Variants in ID1 observed in about 807,000 individuals in gnomAD.
The protein encoded by ID1 is inhibitor of DNA binding 1.
Under a neutral mutation model 11.3 loss-of-function variants are expected in ID1, and 8 were observed. The ratio of observed to expected loss-of-function variants is 0.71; its 90% CI spans 0.42 to 1.28. The LOEUF (loss-of-function observed/expected upper bound fraction) is 1.28. Ranked by LOEUF, ID1 falls within the 50% of genes most tolerant of loss-of-function variation. The pLI, the probability that ID1 is intolerant of heterozygous loss-of-function variation, is 0.01. For missense variants in ID1, 347 were observed against 219.8 expected (o/e 1.58, Z -3.66); for synonymous variants, 176 against 100.2 (o/e 1.76, Z -4.52).
In ID1 at chr20:31,605,301, T is replaced by G; in HGVS notation, c.-87T>G. On this transcript the variant is annotated 5_prime_UTR_variant, in exon 1 of 2. Coordinates refer to ENST00000376112, the MANE Select transcript of ID1 (RefSeq NM_002165.4). Reference sequence around the variant, plus strand: ...GCTCCGCACTCTCATTCCACGTTCTTAACTGTTCCATTTTCCGTATCTGCT... The same window carrying G: ...GCTCCGCACTCTCATTCCACGTTCTGAACTGTTCCATTTTCCGTATCTGCT... 1 of 1,278,878 alleles carries G rather than the reference T, an allele frequency of 7.8e-7. No individual in the cohort carries two copies. Among genetic ancestry groups the G allele is most frequent in the South Asian group, 1.3e-5 (1 of 75,500 alleles). 79.2% of individuals were successfully genotyped at this position (1,278,878 alleles called of 1,614,324 possible).
rs752824585 is a variant in ID1 at position 31,605,338 on chromosome 20, C to A, written c.-50C>A. ...TTTCCGTATCTGCTTCGGGCTTCCA[C>A]CTCATTTTTTTCGCTTTGCCCATTC... On this transcript the variant is annotated 5_prime_UTR_variant, in exon 1 of 2. Transcript: ENST00000376112. 9.2e-6 allele frequency: 14 copies of A among 1,528,774 alleles called. No homozygotes were observed. The highest frequency in any genetic ancestry group is 1.2e-5 in the Non-Finnish European group (14 of 1,133,228). The allele number at this position is 1,528,774 out of a possible 1,614,324, so 94.7% of individuals were successfully genotyped here.
Position 31,605,758 on chromosome 20 carries a change from C to G in ID1, c.371C>G (p.Pro124Arg), listed in dbSNP as rs748768041. ...GGAACCCCCGGGGGCCGAGGGCTGC[C>G]GGTCCGGGCTCCGCTCAGCACCCTC... ...EVGTPGGRGLPVRAPLSTLNG... is the reference protein window; with the variant it reads ...EVGTPGGRGLRVRAPLSTLNG... The change falls in exon 1 of 2, where the codon CCG (proline) becomes CGG (arginine). Residue 124 changes from proline to arginine, a missense_variant. By Grantham distance (103) the Pro-to-Arg change is moderately radical. Coordinates refer to ENST00000376112, the MANE Select transcript of ID1 (RefSeq NM_002165.4). The G allele has an allele frequency of 1.9e-6, 3 of 1,610,200 alleles. No individual in the cohort carries two copies. In the South Asian group the frequency reaches 3.3e-5, roughly 18 times the overall value.
rs1018631107 is a variant in ID1, at chr20:31,605,420, C to G, written c.33C>G (p.Ala11=). 1 of 1,605,512 alleles carries G rather than the reference C, an allele frequency of 6.2e-7. No homozygotes were observed. The highest frequency in any genetic ancestry group is 8.5e-7 in the Non-Finnish European group (1 of 1,178,034). Residue 11 remains alanine, a synonymous_variant, in exon 1 of 2, where the codon GCC becomes GCG. Coordinates refer to ENST00000376112, the MANE Select transcript of ID1 (RefSeq NM_002165.4). MKVASGSTAT[A]AAGPSCALKA... ...TCGCCAGTGGCAGCACCGCCACCGC[C>G]GCCGCGGGCCCCAGCTGCGCGCTGA... is the stretch of plus-strand genomic sequence containing the variant.
chr20:31,606,102 C>T lies in ID1; in HGVS notation c.*8C>T, dbSNP rs1394842806. 4 of 1,607,432 alleles carry T rather than the reference C, an allele frequency of 2.5e-6. No homozygotes were observed. The highest frequency in any genetic ancestry group is 3.4e-6 in the Non-Finnish European group (4 of 1,179,252). ...CGCATCTTGTGTCGCTGAAGCGCCT[C>T]CCCCAGGGACCGGCGGACCCCAGCC... On this transcript the variant is annotated 3_prime_UTR_variant, in exon 2 of 2. Transcript: ENST00000376112.
Position 31,606,096 on chromosome 20 carries a change from G to C in ID1, c.*2G>C. On this transcript the variant is annotated 3_prime_UTR_variant, in exon 2 of 2. Transcript: ENST00000376112. ...GACGATCGCATCTTGTGTCGCTGAAGCGCCTCCCCCAGGGACCGGCGGACC... is the reference window on the plus strand; with the variant it reads ...GACGATCGCATCTTGTGTCGCTGAACCGCCTCCCCCAGGGACCGGCGGACC... The C allele has an allele frequency of 6.2e-7, 1 of 1,608,670 alleles. No homozygotes were observed. The highest frequency in any genetic ancestry group is 8.5e-7 in the Non-Finnish European group (1 of 1,179,954).
At chr20:31,605,962 C>T (rs1326230729) in intron 1 of ID1, 91 bp from the exon 2 acceptor site, 2 of 1,605,180 alleles carry the variant, frequency 1.2e-6, no homozygotes, top group Non-Finnish European at 1.7e-6. Flanking sequence ...AAAGCGCTCC[C>T]CCGTCGTGCT....
At position 31,605,432 on chromosome 20, in the gene ID1, C is replaced by G; in HGVS notation, c.45C>G (p.Pro15=). The G allele has an allele frequency of 6.2e-7, 1 of 1,608,502 alleles. No individual in the cohort carries two copies. The highest frequency in any genetic ancestry group is 8.5e-7 in the Non-Finnish European group (1 of 1,178,520). The change falls in exon 1 of 2, where the codon CCC becomes CCG. Residue 15 remains proline (P), a synonymous_variant. Coordinates refer to ENST00000376112, the MANE Select transcript of ID1 (RefSeq NM_002165.4). ...GCACCGCCACCGCCGCCGCGGGCCC[C>G]AGCTGCGCGCTGAAGGCCGGCAAGA... is the stretch of plus-strand genomic sequence containing the variant. ...SGSTATAAAG[P]SCALKAGKTA... is the part of the protein sequence containing the mutation.
chr20:31,605,379 C>A lies in ID1; in HGVS notation c.-9C>A. 1.9e-6 allele frequency: 3 copies of A among 1,595,874 alleles called. No homozygotes were observed. The highest frequency in any genetic ancestry group is 2.5e-6 in the Non-Finnish European group (3 of 1,176,796). On this transcript the variant is annotated 5_prime_UTR_variant, in exon 1 of 2. Transcript: ENST00000376112. ...TTGCCCATTCTGTTTCAGCCAGTCGCCAAGAATCATGAAAGTCGCCAGTGG... is the reference window on the plus strand; with the variant it reads ...TTGCCCATTCTGTTTCAGCCAGTCGACAAGAATCATGAAAGTCGCCAGTGG...
At chr20:31,605,947 T>G (rs1986090953) in intron 1 of ID1, 106 bp from the exon 2 acceptor site, 2 of 1,597,136 alleles carry the variant, frequency 1.3e-6, no homozygotes, top group East Asian at 4.5e-5. Flanking sequence ...CTAAGGAGCC[T>G]GGAAAAAGCG....
rs896261355 is a variant in ID1, at chr20:31,606,043, G to C, written c.427-10G>C. 9.3e-6 allele frequency: 15 copies of C among 1,612,172 alleles called. No individual in the cohort carries two copies. The highest frequency in any genetic ancestry group is 1.3e-5 in the Non-Finnish European group (15 of 1,180,020). Reference sequence around the variant, plus strand: ...CAACCCGCCGGTCTCATTTCTTCTCGTTTTCACAGGCGGCATGCGTTCCTG... The same window carrying C: ...CAACCCGCCGGTCTCATTTCTTCTCCTTTTCACAGGCGGCATGCGTTCCTG... On this transcript the variant is annotated splice_polypyrimidine_tract_variant and intron_variant, in intron 1 of 1. Coordinates refer to ENST00000376112, the MANE Select transcript of ID1 (RefSeq NM_002165.4).
chr20:31,606,299 G>C lies in ID1; in HGVS notation c.*205G>C. The C allele has an allele frequency of 1.7e-6, 1 of 601,642 alleles. No individual in the cohort carries two copies. The highest frequency in any genetic ancestry group is 2.1e-5 in the South Asian group (1 of 47,784). 37.3% of individuals were successfully genotyped at this position (601,642 alleles called of 1,614,324 possible). ...GGCGCTCCTCTCTGCACACCTACTAGTCACCAGAGACTTTAGGGGGTGGGA... is the reference window on the plus strand; with the variant it reads ...GGCGCTCCTCTCTGCACACCTACTACTCACCAGAGACTTTAGGGGGTGGGA... On this transcript the variant is annotated 3_prime_UTR_variant, in exon 2 of 2. Coordinates refer to ENST00000376112, the MANE Select transcript of ID1 (RefSeq NM_002165.4).
In ID1 at chr20:31,606,476, G is replaced by GT. The variant is rs541562697; in HGVS notation, c.*389dup. On this transcript the variant is annotated 3_prime_UTR_variant, in exon 2 of 2. Transcript: ENST00000376112. ...TGTTTTACAATAGTTCTGTGGGGCTGTTTTTTTGTTATTAAACAAATAATT... is the reference window on the plus strand; with the variant it reads ...TGTTTTACAATAGTTCTGTGGGGCTGTTTTTTTTGTTATTAAACAAATAATT... 248 of 232,640 alleles carry GT rather than the reference G, an allele frequency of 1.1e-3. No homozygotes were observed. Among genetic ancestry groups the GT allele is most frequent in the African/African-American group, 5.5e-3 (238 of 43,652 alleles). The allele number at this position is 232,640 out of a possible 1,614,324, so 14.4% of individuals were successfully genotyped here.
In ID1 at chr20:31,606,123, C is replaced by T. The variant is rs2122269615; in HGVS notation, c.*29C>T. On this transcript the variant is annotated 3_prime_UTR_variant, in exon 2 of 2. Transcript: ENST00000376112. ...GCCTCCCCCAGGGACCGGCGGACCCCAGCCATCCAGGGGGCAAGAGGAATT... is the reference window on the plus strand; with the variant it reads ...GCCTCCCCCAGGGACCGGCGGACCCTAGCCATCCAGGGGGCAAGAGGAATT... 1 of 1,601,250 alleles carries T rather than the reference C, an allele frequency of 6.2e-7. No individual in the cohort carries two copies. Among genetic ancestry groups the T allele is most frequent in the Non-Finnish European group, 8.5e-7 (1 of 1,173,582 alleles).
rs1986113019 is a variant in ID1, at chr20:31,606,355, G to A, written c.*261G>A. 4 of 550,254 alleles carry A rather than the reference G, an allele frequency of 7.3e-6. No homozygotes were observed. The highest frequency in any genetic ancestry group is 3.5e-5 in the Admixed American group (1 of 28,270). 34.1% of individuals were successfully genotyped at this position (550,254 alleles called of 1,614,324 possible). On this transcript the variant is annotated 3_prime_UTR_variant, in exon 2 of 2. Transcript: ENST00000376112. ...CTCGTGTGTTTCTATTTTTTGAAAA[G>A]CAGACATTTTAAAAAATGGTCACGT...
intron 1 of ID1, 71 bp downstream of exon 1, chr20:31,605,884 C>T (rs779706890): frequency 3.2e-6 from 5 of 1,585,568 alleles, no homozygotes; most frequent in Admixed American, 1.8e-5. Flanking sequence ...AGGGCGTGGG[C>T]GCTTGCACCA....
In ID1 at chr20:31,605,361, TTC is replaced by T; in HGVS notation, c.-25_-24del. 1 of 1,583,008 alleles carries T rather than the reference TTC, an allele frequency of 6.3e-7. No individual in the cohort carries two copies. Among genetic ancestry groups the T allele is most frequent in the African/African-American group, 1.4e-5 (1 of 71,892 alleles). ...CACCTCATTTTTTTCGCTTTGCCCA[TTC>T]TGTTTCAGCCAGTCGCCAAGAATCA... On this transcript the variant is annotated 5_prime_UTR_variant, in exon 1 of 2. Transcript: ENST00000376112.
Position 31,606,204 on chromosome 20 carries a change from C to T in ID1, c.*110C>T. 1 of 1,186,132 alleles carries T rather than the reference C, an allele frequency of 8.4e-7. No homozygotes were observed. The allele number at this position is 1,186,132 out of a possible 1,614,324, so 73.5% of individuals were successfully genotyped here. On this transcript the variant is annotated 3_prime_UTR_variant, in exon 2 of 2. Coordinates refer to ENST00000376112, the MANE Select transcript of ID1 (RefSeq NM_002165.4). ...TCGCCGGATCTGAGGGAGAACAAGA[C>T]CGATCGGCGGCCACTGCGCCCTTAA...
rs1410189190 is a variant in ID1, at chr20:31,605,394, G to A, written c.7G>A (p.Val3Ile). ...CAGCCAGTCGCCAAGAATCATGAAA[G>A]TCGCCAGTGGCAGCACCGCCACCGC... is the stretch of plus-strand genomic sequence containing the variant. Reference protein sequence around the residue: MKVASGSTATAAA... With the variant: MKIASGSTATAAA... Residue 3 changes from valine (V) to isoleucine (I), a missense_variant, in exon 1 of 2, where the codon GTC becomes ATC. Physicochemically the swap from Val to Ile is conservative, Grantham distance 29 (BLOSUM62 3). Transcript: ENST00000376112. 7 of 1,600,118 alleles carry A rather than the reference G, an allele frequency of 4.4e-6. No individual in the cohort carries two copies. Among genetic ancestry groups the A allele is most frequent in the East Asian group, 4.5e-5 (2 of 44,448 alleles).
In ID1 at chr20:31,605,799, G is replaced by C. The variant is rs759193670; in HGVS notation, c.412G>C (p.Ala138Pro). Reference protein sequence around the residue: ...PLSTLNGEISALTAEAACVPA... With the variant: ...PLSTLNGEISPLTAEAACVPA... The stretch of plus-strand genomic sequence containing the variant: ...CAGCACCCTCAACGGCGAGATCAGC[G>C]CCCTGACGGCCGAGGTGAGATCCAG... The change falls in exon 1 of 2, where the codon GCC becomes CCC. Residue 138 changes from alanine to proline, a missense_variant. Coordinates refer to ENST00000376112, the MANE Select transcript of ID1 (RefSeq NM_002165.4). 3 of 1,611,250 alleles carry C rather than the reference G, an allele frequency of 1.9e-6. No individual in the cohort carries two copies. Among genetic ancestry groups the C allele is most frequent in the Non-Finnish European group, 1.7e-6 (2 of 1,178,872 alleles).
Sources: gnomAD v4.1 joint callset for allele counts on GRCh38, gnomAD v4.1.1 for gene constraint, MANE v1.5 for transcripts, NCBI Gene and HGNC (gene_info 2026-07-23, HGNC 2026-07-21) for gene names.